The following DHRS7B variants were observed in gnomAD, a reference collection of about 807,000 sequenced individuals.
DHRS7B encodes the protein peroxisomal reductase activating PPAR-gamma.
DHRS7B carries 24 observed loss-of-function variants against 26.4 expected under a neutral mutation model. The ratio of observed to expected loss-of-function variants is 0.91; its 90% confidence interval spans 0.66 to 1.28. The LOEUF (loss-of-function observed/expected upper bound fraction) is 1.28. Among genes scored for constraint, DHRS7B ranks in the 50% most tolerant of loss-of-function variants. The pLI is 0.00. For missense variants in DHRS7B, 368 were observed against 419.4 expected, an observed-to-expected ratio of 0.88 and a Z score of 1.07; for synonymous variants, 142 against 166.4, an observed-to-expected ratio of 0.85 and a Z score of 1.13.
chr17:21,148,999 T>A (rs1259221957), intron 1 of DHRS7B, among the ~76,000 whole-genome samples: 1 of 152,046 alleles, frequency 6.6e-6, no homozygotes, highest in Non-Finnish European at 1.5e-5. Context: ...TTGACCCAAA[T>A]AAGACCCCAA....
At chr17:21,160,162 G>A (rs986947429) in intron 1 of DHRS7B, among the ~76,000 whole-genome samples, 7 of 151,758 alleles carry the variant, frequency 4.6e-5, no homozygotes, top group Non-Finnish European at 1.0e-4. Flanking sequence ...GAGACCAGCT[G>A]GGCCAACATG....
At chr17:21,145,151 A>G (rs1389401241) in intron 1 of DHRS7B, among the ~76,000 whole-genome samples, 2 of 151,656 alleles carry the variant, frequency 1.3e-5, no homozygotes, top group Non-Finnish European at 2.9e-5. Context: ...GGTGAAACCC[A>G]ATCTCTACTA....
intron 1 of DHRS7B, among the ~76,000 whole-genome samples, chr17:21,140,360 G>A (rs1007362751): frequency 5.3e-5 from 8 of 151,896 alleles, no homozygotes; most frequent in Admixed American, 1.3e-4. Flanking sequence ...TGTCAGCTAC[G>A]TAGCCTTAAA....
intron 1 of DHRS7B, among the ~76,000 whole-genome samples, chr17:21,130,889 A>G (rs1973215794): frequency 6.6e-6 from 1 of 152,078 alleles, no homozygotes; most frequent in South Asian, 2.1e-4. Flanking sequence ...CATGAGGGTG[A>G]AAATTGGGAT....
At chr17:21,141,129 T>G (rs1341169173) in intron 1 of DHRS7B, among the ~76,000 whole-genome samples, 1 of 152,078 alleles carries the variant, frequency 6.6e-6, no homozygotes, top group Non-Finnish European at 1.5e-5. Flanking sequence ...AAAATTAATT[T>G]CTGTTGGGGA....
chr17:21,190,915 G>A (rs1214768593), intron 6 of DHRS7B, 33 bp from the exon 7 acceptor site: 2 of 1,610,458 alleles, frequency 1.2e-6, no homozygotes, highest in Admixed American at 1.7e-5. Context: ...CTGCTTCCAA[G>A]TTCATGTGTT....
intron 1 of DHRS7B, among the ~76,000 whole-genome samples, chr17:21,139,385 G>C (rs1973438357): frequency 6.6e-6 from 1 of 152,132 alleles, no homozygotes; most frequent in Admixed American, 6.6e-5. Flanking sequence ...CTATGAAACT[G>C]CTTGATTAGG....
intron 2 of DHRS7B, among the ~76,000 whole-genome samples, chr17:21,177,275 CTT>C (rs1248048483): frequency 1.3e-5 from 2 of 152,228 alleles, no homozygotes; most frequent in Non-Finnish European, 2.9e-5. Context: ...GCAGCCAGCA[CTT>C]GGGTCCCTCC....
At chr17:21,131,813 G>T (rs1418097408) in intron 1 of DHRS7B, among the ~76,000 whole-genome samples, 1 of 152,118 alleles carries the variant, frequency 6.6e-6, no homozygotes, top group Admixed American at 6.6e-5. Flanking sequence ...TTCTGAAGGG[G>T]ATATAAATTT....
chr17:21,154,968 A>G (rs192439423), intron 1 of DHRS7B, among the ~76,000 whole-genome samples: 1 of 152,104 alleles, frequency 6.6e-6, no homozygotes, highest in Non-Finnish European at 1.5e-5. Context: ...AAGTTTTTTT[A>G]AAAAAAGAAG....
At chr17:21,137,295 CTTTT>C (rs1194614460) in intron 1 of DHRS7B, among the ~76,000 whole-genome samples, 2 of 108,220 alleles carry the variant, frequency 1.8e-5, no homozygotes, top group Admixed American at 9.5e-5. Context: ...TCTTTTTTGT[CTTTT>C]TTTTTTTTTT....
intron 1 of DHRS7B, among the ~76,000 whole-genome samples, chr17:21,170,680 TC>T (rs1974220281): frequency 1.3e-5 from 2 of 152,240 alleles, no homozygotes; most frequent in Admixed American, 6.5e-5. Flanking sequence ...AGTTGACAGT[TC>T]CGTTGCAGTA....
At chr17:21,172,278 C>T in intron 2 of DHRS7B, 82 bp downstream of exon 2, 2 of 1,501,634 alleles carry the variant, frequency 1.3e-6, no homozygotes, top group South Asian at 2.4e-5. Context: ...CAGGGACCAC[C>T]AGCGCAAATG....
chr17:21,143,571 A>G (rs1351383608), intron 1 of DHRS7B, among the ~76,000 whole-genome samples: 2 of 152,260 alleles, frequency 1.3e-5, no homozygotes, highest in Non-Finnish European at 2.9e-5. Flanking sequence ...ATTTTGTAAT[A>G]TATAAAAAGC....
chr17:21,173,200 C>G (rs1974299934), intron 2 of DHRS7B, among the ~76,000 whole-genome samples: 1 of 152,244 alleles, frequency 6.6e-6, no homozygotes, highest in African/African-American at 2.4e-5. Context: ...GGACTTATCT[C>G]AATATATTGC....
chr17:21,153,344 TAAAAG>T (rs1356269476), intron 1 of DHRS7B, among the ~76,000 whole-genome samples: 4 of 150,794 alleles, frequency 2.7e-5, no homozygotes, highest in African/African-American at 9.8e-5. Flanking sequence ...TTCCAAAACT[TAAAAG>T]CAAAGAGAAA....
At chr17:21,132,560 A>AC (rs1973262853) in intron 1 of DHRS7B, among the ~76,000 whole-genome samples, 1 of 150,128 alleles carries the variant, frequency 6.7e-6, no homozygotes, top group African/African-American at 2.5e-5. Context: ...CAAAAAAAAA[A>AC]CAGGGAAGTG....
chr17:21,187,820 G>A (rs1351848816), intron 5 of DHRS7B, among the ~76,000 whole-genome samples: 1 of 138,324 alleles, frequency 7.2e-6, no homozygotes, highest in African/African-American at 2.7e-5. Context: ...AGTTTTTTTT[G>A]TTTTTAACTT....
intron 1 of DHRS7B, among the ~76,000 whole-genome samples, chr17:21,161,278 G>A (rs576404816): frequency 2.6e-5 from 4 of 152,298 alleles, no homozygotes; most frequent in African/African-American, 9.6e-5. Flanking sequence ...GGATAATGGG[G>A]GAGGCTGTAC....
Sources: allele counts gnomAD v4.1 joint callset (sites outside exome capture counted in the v4.1 genomes callset), GRCh38; gene constraint gnomAD v4.1.1; transcripts MANE v1.5; gene names NCBI Gene and HGNC (gene_info 2026-07-23, HGNC 2026-07-21).